Variants in CHST9 observed in about 807,000 individuals in gnomAD.
The protein encoded by CHST9 is carbohydrate sulfotransferase 9, also known as GalNAc-4-sulfotransferase 2.
Under a neutral mutation model 44.4 loss-of-function variants are expected in CHST9, and 41 were observed. The observed-to-expected ratio is 0.92, with a 90% CI of 0.72 to 1.20. The LOEUF (loss-of-function observed/expected upper bound fraction) is 1.20. CHST9 is among the 50% of genes most tolerant of loss of function. CHST9 has a pLI of 0.00. For synonymous variants in CHST9, 171 were observed against 178.4 expected (o/e 0.96, Z 0.33); for missense variants, 504 against 516.5 (o/e 0.98, Z 0.23).
chr18:27,123,894 A>G lies in CHST9; in HGVS notation c.121+18795T>C, dbSNP rs201350755. Among the ~76,000 whole-genome samples the G allele has an allele frequency of 2.0e-5, 3 of 152,220 alleles. No homozygotes were observed. The East Asian group carries it at 5.8e-4, about 29-fold the overall frequency. On this transcript the variant is annotated intron_variant, in intron 2 of 5. Transcript: ENST00000618847. ...ACATTTTCACAGACCCACCTCTCTC[A>G]GGAATTCTTTCTCCTCTCTGCAGTC... is the stretch of plus-strand genomic sequence containing the variant.
At position 26,975,668 on chromosome 18, in the gene CHST9, T is replaced by TAA. The variant is rs1198077707; in HGVS notation, c.203-31304_203-31303dup. Among the ~76,000 whole-genome samples the TAA allele has an allele frequency of 3.7e-3, 526 of 142,988 alleles. 2 individuals carry two copies. The highest frequency in any genetic ancestry group is 4.9e-3 in the South Asian group (22 of 4,536). The allele number at this position is 142,988 out of a possible 152,430, so 93.8% of individuals were successfully genotyped here. A position where few individuals can be genotyped will look rare whatever the true frequency, so the allele number is the denominator to read the frequency against. Reference sequence around the variant, plus strand: ...ATGTGTGTATATATATATATATATATAAATATATGTATATATGTGTGTGTA... The same window carrying TAA: ...ATGTGTGTATATATATATATATATATAAAAATATATGTATATATGTGTGTGTA... On this transcript the variant is annotated intron_variant, in intron 4 of 5. Coordinates refer to ENST00000618847, the MANE Select transcript of CHST9 (RefSeq NM_031422.6).
At chr18:27,111,251 C>T (rs1019225181) in intron 2 of CHST9, among the ~76,000 whole-genome samples, 1 of 152,184 alleles carries the variant, frequency 6.6e-6, no homozygotes, top group African/African-American at 2.4e-5. Flanking sequence ...CTATGTCCTG[C>T]TTTCTAAGAC....
In CHST9 at chr18:27,179,078, GTCTC is replaced by G. The variant is rs34391433; in HGVS notation, c.-97+6054_-97+6057del. On this transcript the variant is annotated intron_variant, in intron 1 of 5. Transcript: ENST00000618847. ...TACATGCATACATGTGTGTGATAAT[GTCTC>G]TCTCTCTCTCTCTCTCTCTCTCTAT... Among the ~76,000 whole-genome samples the G allele has an allele frequency of 8.0e-3, 1,204 of 150,076 alleles. 12 individuals carry two copies. Among genetic ancestry groups the G allele is most frequent in the African/African-American group, 0.026 (1,075 of 40,902 alleles).
chr18:27,127,996 T>C (rs28421022), intron 2 of CHST9, among the ~76,000 whole-genome samples: 1,605 of 152,098 alleles, frequency 0.011, 24 homozygotes, highest in African/African-American at 0.034. Flanking sequence ...GAAAGTAACA[T>C]AAAAGCTGCC....
At chr18:27,016,496 G>GA (rs1264313103) in intron 4 of CHST9, among the ~76,000 whole-genome samples, 4 of 152,170 alleles carry the variant, frequency 2.6e-5, no homozygotes, top group African/African-American at 7.2e-5. Flanking sequence ...CTTCCCTGCA[G>GA]AAAATCTCAC....
At chr18:27,028,424 G>T (rs2057305859) in intron 3 of CHST9, among the ~76,000 whole-genome samples, 1 of 152,172 alleles carries the variant, frequency 6.6e-6, no homozygotes. Flanking sequence ...GAGGGATCAG[G>T]AGTTTACAGG....
chr18:27,071,211 A>T (rs2057836156), intron 2 of CHST9, among the ~76,000 whole-genome samples: 1 of 152,110 alleles, frequency 6.6e-6, no homozygotes, highest in Admixed American at 6.5e-5. Context: ...TCTTTCTCTA[A>T]CTGGATCCTG....
At chr18:27,006,000 C>G (rs1256175393) in intron 4 of CHST9, among the ~76,000 whole-genome samples, 2 of 152,186 alleles carry the variant, frequency 1.3e-5, no homozygotes, top group Non-Finnish European at 2.9e-5. Context: ...AGACTCACTT[C>G]TAATTCTTTA....
intron 4 of CHST9, chr18:26,952,365 G>T: frequency 2.1e-6 from 1 of 480,356 alleles, no homozygotes; most frequent in South Asian, 1.6e-5. Flanking sequence ...CTGGGCAATT[G>T]GGACATCAAC....
At chr18:27,012,442 C>T (rs984836270) in intron 4 of CHST9, among the ~76,000 whole-genome samples, 2 of 152,058 alleles carry the variant, frequency 1.3e-5, no homozygotes, top group African/African-American at 4.8e-5. Flanking sequence ...AAGTGGATCT[C>T]ATAAAGATCT....
At chr18:27,091,114 A>G (rs2058064219) in intron 2 of CHST9, among the ~76,000 whole-genome samples, 1 of 151,914 alleles carries the variant, frequency 6.6e-6, no homozygotes, top group African/African-American at 2.4e-5. Flanking sequence ...TGTCCTCTTT[A>G]TTTCATTGAG....
intron 4 of CHST9, among the ~76,000 whole-genome samples, chr18:27,000,703 T>C (rs746202391): frequency 3.9e-5 from 6 of 152,044 alleles, no homozygotes; most frequent in Non-Finnish European, 7.4e-5. Context: ...CTTTATCATA[T>C]ACCACCATGG....
At chr18:26,939,526 C>T (rs1350547714) in intron 5 of CHST9, among the ~76,000 whole-genome samples, 1 of 152,180 alleles carries the variant, frequency 6.6e-6, no homozygotes, top group Non-Finnish European at 1.5e-5. Context: ...GGATCATTCC[C>T]AACATTTGTG....
At chr18:27,027,757 A>G (rs1568139017) in intron 3 of CHST9, among the ~76,000 whole-genome samples, 1 of 152,220 alleles carries the variant, frequency 6.6e-6, no homozygotes, top group Non-Finnish European at 1.5e-5. Flanking sequence ...AACTACACCC[A>G]TAATCATCAT....
chr18:27,083,183 C>T (rs1044695018), intron 2 of CHST9, among the ~76,000 whole-genome samples: 1 of 152,126 alleles, frequency 6.6e-6, no homozygotes, highest in Non-Finnish European at 1.5e-5. Flanking sequence ...CTATTTAACT[C>T]ACATTAAGCT....
At chr18:27,048,968 A>T (rs1288075874) in intron 2 of CHST9, among the ~76,000 whole-genome samples, 1 of 152,154 alleles carries the variant, frequency 6.6e-6, no homozygotes, top group Non-Finnish European at 1.5e-5. Flanking sequence ...GTGCTCATGA[A>T]GTTATGGAGA....
At position 27,150,866 on chromosome 18, in the gene CHST9, T is replaced by C. The variant is rs374794830; in HGVS notation, c.-96-7961A>G. Among the ~76,000 whole-genome samples the C allele has an allele frequency of 1.2e-4, 19 of 152,322 alleles. No homozygotes were observed. In the East Asian group the frequency reaches 2.7e-3, roughly 22 times the overall value. ...ACTATAAAAACAGTATGAAATTTAT[T>C]ATAAAGCACCTTAGTATAAATTGGC... On this transcript the variant is annotated intron_variant, in intron 1 of 5. Coordinates refer to ENST00000618847, the MANE Select transcript of CHST9 (RefSeq NM_031422.6).
chr18:26,971,159 T>C (rs2145170187), intron 4 of CHST9, among the ~76,000 whole-genome samples: 1 of 152,264 alleles, frequency 6.6e-6, no homozygotes, highest in East Asian at 1.9e-4. Context: ...TACCTTAAGG[T>C]AGACACAGTG....
intron 4 of CHST9, among the ~76,000 whole-genome samples, chr18:26,984,541 T>C (rs1204068022): frequency 6.6e-6 from 1 of 152,086 alleles, no homozygotes; most frequent in African/African-American, 2.4e-5. Flanking sequence ...TAAGAATTTT[T>C]TTATTATCCA....
Sources: allele counts gnomAD v4.1 joint callset (sites outside exome capture counted in the v4.1 genomes callset), GRCh38; gene constraint gnomAD v4.1.1; transcripts MANE v1.5; gene names NCBI Gene and HGNC (gene_info 2026-07-23, HGNC 2026-07-21).